The following CNIH3 variants were observed in gnomAD, a reference collection of about 807,000 sequenced individuals.
The protein encoded by CNIH3 is cornichon family AMPA receptor auxiliary protein 3, also known as protein cornichon homolog 3.
CNIH3 carries 14 observed loss-of-function variants against 24.1 expected under a neutral mutation model. The ratio of observed to expected loss-of-function variants is 0.58; its 90% CI spans 0.38 to 0.91. CNIH3 has a LOEUF of 0.91. Ranked by LOEUF, CNIH3 falls within the 40% of genes least tolerant of loss-of-function variation. CNIH3 has a pLI of 0.00. For synonymous variants in CNIH3, 68 were observed against 73.8 expected (o/e 0.92, Z 0.40); for missense variants, 178 against 196.8 (o/e 0.90, Z 0.57).
chr1:224,708,233 G>A (rs940744645), intron 3 of CNIH3, among the ~76,000 whole-genome samples: 1 of 151,680 alleles, frequency 6.6e-6, no homozygotes, highest in Non-Finnish European at 1.5e-5. Context: ...CCATCTCAGG[G>A]CCTCTCTCCT....
intron 3 of CNIH3, among the ~76,000 whole-genome samples, chr1:224,692,375 G>A (rs1686973237): frequency 6.6e-6 from 1 of 152,154 alleles, no homozygotes; most frequent in South Asian, 2.1e-4. Context: ...CGCCACAAGG[G>A]ATTGACTTCA....
At chr1:224,571,734 C>G (rs1680827699) in intron 4 of CNIH3, among the ~76,000 whole-genome samples, 1 of 151,858 alleles carries the variant, frequency 6.6e-6, no homozygotes, top group South Asian at 2.1e-4. Context: ...CAAAAACAAA[C>G]AAAGAAAAAA....
Position 224,733,256 on chromosome 1 carries a change from A to T in CNIH3, c.312-1307A>T, listed in dbSNP as rs116984370. Among the ~76,000 whole-genome samples, 163 of 152,342 alleles carry T rather than the reference A, an allele frequency of 1.1e-3. 4 individuals are homozygous for T. In the East Asian group the frequency reaches 0.027, roughly 25 times the overall value. Reference sequence around the variant, plus strand: ...AGAAAGTTGAGGCTCAGATGGGTTAATGACTGACCCAAGGAAAGTCAATGT... The same window carrying T: ...AGAAAGTTGAGGCTCAGATGGGTTATTGACTGACCCAAGGAAAGTCAATGT... On this transcript the variant is annotated intron_variant, in intron 4 of 5. Transcript: ENST00000272133.
chr1:224,726,344 G>C (rs890811600), intron 3 of CNIH3, among the ~76,000 whole-genome samples: 1 of 152,228 alleles, frequency 6.6e-6, no homozygotes, highest in Non-Finnish European at 1.5e-5. Flanking sequence ...AAATTTAGGA[G>C]ATAAAGTTTG....
intron 3 of CNIH3, among the ~76,000 whole-genome samples, chr1:224,688,793 T>A (rs1458329367): frequency 6.6e-6 from 1 of 151,714 alleles, no homozygotes; most frequent in Non-Finnish European, 1.5e-5. Context: ...GGCGTGGTGG[T>A]GGGCGCCTGT....
At chr1:224,506,354 C>T (rs1677918325) in intron 1 of CNIH3, among the ~76,000 whole-genome samples, 1 of 152,168 alleles carries the variant, frequency 6.6e-6, no homozygotes, top group Non-Finnish European at 1.5e-5. Context: ...ACTTCAGGCA[C>T]AGTGATGAAG....
chr1:224,685,424 C>T (rs1320246648), intron 3 of CNIH3, among the ~76,000 whole-genome samples: 1 of 152,206 alleles, frequency 6.6e-6, no homozygotes, highest in Non-Finnish European at 1.5e-5. Flanking sequence ...TGTGGGCACA[C>T]ACAGTTCAAA....
chr1:224,620,846 A>AG (rs1683246052), intron 1 of CNIH3, among the ~76,000 whole-genome samples: 1 of 152,114 alleles, frequency 6.6e-6, no homozygotes. Context: ...AGAAAAAAAA[A>AG]TTGCATGTGG....
At chr1:224,517,923 G>C (rs534938601) in intron 1 of CNIH3, among the ~76,000 whole-genome samples, 2 of 152,242 alleles carry the variant, frequency 1.3e-5, no homozygotes, top group African/African-American at 4.8e-5. Flanking sequence ...GAATGATGGG[G>C]GTGCCTTGAG....
At chr1:224,634,730 A>C (rs568484722) in intron 1 of CNIH3, among the ~76,000 whole-genome samples, 14 of 151,768 alleles carry the variant, frequency 9.2e-5, no homozygotes, top group Non-Finnish European at 1.9e-4. Context: ...TTGCCTCGCA[A>C]CTCACTCCTC....
At position 224,703,893 on chromosome 1, in the gene CNIH3, C is replaced by G. The variant is rs2125180413; in HGVS notation, c.198+19050C>G. Among the ~76,000 whole-genome samples the G allele has an allele frequency of 6.6e-6, 1 of 152,334 alleles. No homozygotes were observed. Among genetic ancestry groups the G allele is most frequent in the East Asian group, 1.9e-4 (1 of 5,186 alleles). On this transcript the variant is annotated intron_variant, in intron 3 of 5. Transcript: ENST00000272133. The surrounding 1 kb of genome is among the most constrained non-coding windows in gnomAD (Gnocchi z 4.2). ...ACCTGCATATTCTCCCTGCAGCACACCTGAGTCGCTGCTGCTCTGCAGGCC... is the reference window on the plus strand; with the variant it reads ...ACCTGCATATTCTCCCTGCAGCACAGCTGAGTCGCTGCTGCTCTGCAGGCC...
intron 1 of CNIH3, among the ~76,000 whole-genome samples, chr1:224,674,249 T>C (rs1686015173): frequency 7.0e-6 from 1 of 143,350 alleles, no homozygotes; most frequent in Non-Finnish European, 1.5e-5. Context: ...GACATTTCAA[T>C]CGTTTCTTCA....
intron 1 of CNIH3, among the ~76,000 whole-genome samples, chr1:224,644,261 A>G (rs1334726733): frequency 2.0e-5 from 3 of 152,118 alleles, no homozygotes; most frequent in Non-Finnish European, 4.4e-5. Flanking sequence ...TCCAGGCTGG[A>G]GTGCAGTGGC....
upstream of CNIH3, among the ~76,000 whole-genome samples, chr1:224,513,380 A>G (rs889948660): frequency 9.1e-5 from 13 of 143,172 alleles, no homozygotes; most frequent in African/African-American, 2.6e-4. Flanking sequence ...GGGTCTCTCT[A>G]TGTTGCTCAG....
chr1:224,451,946 C>T (rs780056755), intron 1 of CNIH3, among the ~76,000 whole-genome samples: 11 of 152,136 alleles, frequency 7.2e-5, no homozygotes, highest in East Asian at 1.9e-4. Context: ...AGATGGTTGG[C>T]GTTCATAGTG....
chr1:224,684,936 G>T lies in CNIH3; in HGVS notation c.198+93G>T. On this transcript the variant is annotated intron_variant, in intron 3 of 5. Transcript: ENST00000272133. The surrounding 1 kb of genome is among the most constrained non-coding windows in gnomAD (Gnocchi z 4.2). The stretch of plus-strand genomic sequence containing the variant: ...GGCTAGTGAGGCTCTGCCTGCTCCA[G>T]TCCTGTCCACCAGGGAGGCAAATGG... The T allele has an allele frequency of 8.1e-7, 1 of 1,238,218 alleles. No individual in the cohort carries two copies. The highest frequency in any genetic ancestry group is 2.3e-5 in the East Asian group (1 of 43,022). The allele number at this position is 1,238,218 out of a possible 1,614,324, so 76.7% of individuals were successfully genotyped here.
chr1:224,591,529 C>G (rs1572539767), downstream of CNIH3, among the ~76,000 whole-genome samples: 1 of 152,174 alleles, frequency 6.6e-6, no homozygotes, highest in African/African-American at 2.4e-5. Context: ...TGATCAGGCC[C>G]AGCTATCTTG....
intron 1 of CNIH3, among the ~76,000 whole-genome samples, chr1:224,490,880 A>G (rs1488520253): frequency 1.3e-5 from 2 of 152,262 alleles, no homozygotes; most frequent in East Asian, 1.9e-4. Flanking sequence ...AAGACAAAAA[A>G]AAGAGAAATG....
chr1:224,608,366 G>A (rs2125048645), intron 3 of CNIH3, among the ~76,000 whole-genome samples: 1 of 152,300 alleles, frequency 6.6e-6, no homozygotes, highest in Non-Finnish European at 1.5e-5. Flanking sequence ...TCGGCCGGGA[G>A]TGTTGGCAAG....
Sources: gnomAD v4.1 joint callset for allele counts (sites outside exome capture counted in the v4.1 genomes callset) on GRCh38, gnomAD v4.1.1 for gene constraint, Gnocchi (gnomAD v3.1) non-coding constraint, MANE v1.5 for transcripts, NCBI Gene and HGNC (gene_info 2026-07-23, HGNC 2026-07-21) for gene names.